Variants in CAPZB observed in about 807,000 individuals in gnomAD.
CAPZB encodes F-actin-capping protein subunit beta.
Under a neutral mutation model 38.1 loss-of-function variants are expected in CAPZB, and 2 were observed. The ratio of observed to expected loss-of-function variants is 0.05; its 90% confidence interval spans 0.02 to 0.17. CAPZB has a LOEUF of 0.17. Among genes scored for constraint, CAPZB ranks in the 10% least tolerant of loss-of-function variants. The pLI is 1.00. For missense variants in CAPZB, 161 were observed against 334.2 expected (o/e 0.48, Z 4.04); for synonymous variants, 107 against 127.4 (o/e 0.84, Z 1.08).
chr1:19,342,605 G>C (rs1192156133), intron 8 of CAPZB: 1 of 644,732 alleles, frequency 1.6e-6, no homozygotes, highest in Middle Eastern at 4.1e-4. Context: ...GGCTACACGG[G>C]AATGTGGCTG....
chr1:19,376,382 C>T (rs1046475329), intron 4 of CAPZB, among the ~76,000 whole-genome samples: 1 of 152,180 alleles, frequency 6.6e-6, no homozygotes, highest in African/African-American at 2.4e-5. Context: ...CCTGAGATGG[C>T]TCCCAAGAAG....
intron 1 of CAPZB, among the ~76,000 whole-genome samples, chr1:19,461,170 G>A (rs1485405083): frequency 1.3e-5 from 2 of 152,178 alleles, no homozygotes; most frequent in Non-Finnish European, 2.9e-5. Flanking sequence ...GTTAGTGGAT[G>A]GGAGAATGGA....
intron 4 of CAPZB, among the ~76,000 whole-genome samples, chr1:19,368,460 CAG>C (rs1329317887): frequency 1.6e-4 from 22 of 136,284 alleles, no homozygotes; most frequent in Non-Finnish European, 1.5e-5. Flanking sequence ...GCCTGGGCAA[CAG>C]AGTGAGAGCC....
chr1:19,375,476 C>A (rs1436028527), intron 4 of CAPZB, among the ~76,000 whole-genome samples: 1 of 152,232 alleles, frequency 6.6e-6, no homozygotes, highest in African/African-American at 2.4e-5. Flanking sequence ...CGGGGCCACT[C>A]TCCTCCTTCC....
At chr1:19,373,543 AGAGGGAG>A in intron 4 of CAPZB, among the ~76,000 whole-genome samples, 1 of 152,340 alleles carries the variant, frequency 6.6e-6, no homozygotes, top group Non-Finnish European at 1.5e-5. Flanking sequence ...CTCCGGTGGC[AGAGGGAG>A]CCTCTGGGGA....
chr1:19,454,455 T>C (rs1392291498), intron 1 of CAPZB, among the ~76,000 whole-genome samples: 6 of 152,204 alleles, frequency 3.9e-5, no homozygotes. Context: ...CTGCTTTTAT[T>C]TTGGAAAGTT....
intron 4 of CAPZB, among the ~76,000 whole-genome samples, chr1:19,369,703 C>T (rs942758198): frequency 2.0e-5 from 3 of 152,202 alleles, no homozygotes; most frequent in Admixed American, 2.0e-4. Context: ...GGGGAAAGGT[C>T]CTACCTCTAG....
intron 2 of CAPZB, among the ~76,000 whole-genome samples, chr1:19,409,193 G>A (rs2094346562): frequency 6.6e-6 from 1 of 151,980 alleles, no homozygotes; most frequent in African/African-American, 2.4e-5. Flanking sequence ...GCCAACATGG[G>A]TGATGATGCT....
chr1:19,356,865 T>A lies in CAPZB; in HGVS notation c.472-114A>T. The stretch of plus-strand genomic sequence containing the variant: ...AGGTCATTATCACAATATTACCTTT[T>A]TTTTTTTTAAATTGGAGACAAAGTC... On this transcript the variant is annotated intron_variant, in intron 5 of 8. Coordinates refer to ENST00000264202, the MANE Select transcript of CAPZB (RefSeq NM_004930.5). The surrounding 1 kb of genome is among the most constrained non-coding windows in gnomAD (Gnocchi z 4.3). 2.8e-6 allele frequency: 2 copies of A among 701,960 alleles called. No individual in the cohort carries two copies. The highest frequency in any genetic ancestry group is 4.9e-6 in the Non-Finnish European group (2 of 406,914). The allele number at this position is 701,960 out of a possible 1,614,324, so 43.5% of individuals were successfully genotyped here.
rs539356833 is a variant in CAPZB at position 19,413,213 on chromosome 1, A to C, written c.93+6448T>G. Among the ~76,000 whole-genome samples the C allele has an allele frequency of 4.6e-5, 7 of 152,352 alleles. No homozygotes were observed. In the South Asian group the frequency reaches 1.4e-3, roughly 32 times the overall value. On this transcript the variant is annotated intron_variant, in intron 2 of 8. Coordinates refer to ENST00000264202, the MANE Select transcript of CAPZB (RefSeq NM_004930.5). ...ATTTTGACCCGTGGAGGAGAAGGCA[A>C]GGAATAAAGGCTGCACTTCTTCCCA...
In CAPZB at chr1:19,479,467, C is replaced by T. The variant is rs190370315; in HGVS notation, c.3+5969G>A. Among the ~76,000 whole-genome samples the T allele has an allele frequency of 2.1e-3, 318 of 152,324 alleles. 1 individual carries two copies. The highest frequency in any genetic ancestry group is 1.7e-3 in the Non-Finnish European group (119 of 68,030). ...CAGACACCACTATCTAGGATTTAGA[C>T]TGACCTGAAATAGCTGTGTGTCAAT... On this transcript the variant is annotated intron_variant, in intron 1 of 8. Coordinates refer to ENST00000264202, the MANE Select transcript of CAPZB (RefSeq NM_004930.5).
chr1:19,395,354 G>A (rs908942819), intron 2 of CAPZB, among the ~76,000 whole-genome samples: 3 of 152,130 alleles, frequency 2.0e-5, no homozygotes, highest in Non-Finnish European at 2.9e-5. Flanking sequence ...TTCAGGAAAC[G>A]GTAAGTCCCC....
intron 1 of CAPZB, among the ~76,000 whole-genome samples, chr1:19,464,963 T>C (rs989946008): frequency 3.3e-5 from 5 of 152,082 alleles, no homozygotes; most frequent in African/African-American, 4.8e-5. Flanking sequence ...TATAACTCGA[T>C]TGTGGTGGTG....
At chr1:19,394,024 G>A (rs542315966) in intron 2 of CAPZB, among the ~76,000 whole-genome samples, 17 of 152,200 alleles carry the variant, frequency 1.1e-4, no homozygotes, top group South Asian at 2.1e-4. Flanking sequence ...TTTTTGAGAC[G>A]AAGTCTCGCT....
intron 1 of CAPZB, chr1:19,448,797 G>C: frequency 6.2e-7 from 1 of 1,611,492 alleles, no homozygotes; most frequent in Non-Finnish European, 8.5e-7. Flanking sequence ...GCCACCTGTT[G>C]CTCCTCCTCC....
At chr1:19,359,400 G>A (rs1201396358) in intron 4 of CAPZB, among the ~76,000 whole-genome samples, 4 of 152,090 alleles carry the variant, frequency 2.6e-5, no homozygotes, top group Admixed American at 6.5e-5. Context: ...ACTCCAACCC[G>A]CAGACCTGCG....
intron 1 of CAPZB, chr1:19,484,156 C>A (rs757036137): frequency 6.3e-7 from 1 of 1,599,070 alleles, no homozygotes; most frequent in Non-Finnish European, 8.5e-7. Flanking sequence ...ACACCACGAG[C>A]GGAGCCAGCA....
intron 1 of CAPZB, among the ~76,000 whole-genome samples, chr1:19,476,197 TAGATAGATA>T (rs1205716555): frequency 7.3e-6 from 1 of 137,328 alleles, no homozygotes. Flanking sequence ...GATAGATAGA[TAGATAGATA>T]GATAGATAGA....
At chr1:19,479,024 C>T (rs529871276) in intron 1 of CAPZB, among the ~76,000 whole-genome samples, 5 of 152,148 alleles carry the variant, frequency 3.3e-5, no homozygotes, top group African/African-American at 1.2e-4. Context: ...GCCTGGCCAA[C>T]ATGGTGAAAC....
Sources: gnomAD v4.1 joint callset for allele counts (sites outside exome capture counted in the v4.1 genomes callset) on GRCh38, gnomAD v4.1.1 for gene constraint, Gnocchi (gnomAD v3.1) non-coding constraint, MANE v1.5 for transcripts, NCBI Gene and HGNC (gene_info 2026-07-23, HGNC 2026-07-21) for gene names.